PKP4: variants seen among roughly 807,000 people sequenced by gnomAD.
The protein encoded by PKP4 is plakophilin 4, also known as plakophilin-4.
A neutral mutation model predicts 145.1 loss-of-function variants in PKP4; 90 were observed. That is an observed-to-expected ratio of 0.62 (90% CI 0.52 to 0.74). The LOEUF (loss-of-function observed/expected upper bound fraction) is 0.74. Ranked by LOEUF, PKP4 falls within the 30% of genes least tolerant of loss-of-function variation. PKP4 has a pLI of 0.00. For synonymous variants in PKP4, 563 were observed against 577.2 expected (o/e 0.98, Z 0.35); for missense variants, 1,340 against 1,482.7 (o/e 0.90, Z 1.58).
chr2:158,528,476 G>T, intron 1 of PKP4, among the ~76,000 whole-genome samples: 1 of 100,044 alleles, frequency 1.0e-5, no homozygotes, highest in African/African-American at 3.7e-5. Context: ...ATCACACTCT[G>T]GGGACTGTGG....
At chr2:158,573,136 C>T (rs1029436410) in intron 2 of PKP4, among the ~76,000 whole-genome samples, 3 of 152,170 alleles carry the variant, frequency 2.0e-5, no homozygotes, top group Non-Finnish European at 4.4e-5. Flanking sequence ...CATATAAAGA[C>T]ATTATGTGAT....
chr2:158,652,300 A>G (rs2055439935), intron 11 of PKP4, among the ~76,000 whole-genome samples: 1 of 152,214 alleles, frequency 6.6e-6, no homozygotes, highest in Non-Finnish European at 1.5e-5. Context: ...GGGGCAGCAC[A>G]GGTCTATACT....
intron 11 of PKP4, among the ~76,000 whole-genome samples, chr2:158,646,345 A>G (rs962480571): frequency 5.3e-5 from 8 of 152,240 alleles, no homozygotes; most frequent in African/African-American, 1.7e-4. Flanking sequence ...TGCAATTGCC[A>G]TAAGTAAAGT....
chr2:158,656,555 A>G (rs1415580174), intron 11 of PKP4, among the ~76,000 whole-genome samples: 1 of 152,160 alleles, frequency 6.6e-6, no homozygotes, highest in Non-Finnish European at 1.5e-5. Context: ...ATAGGAGTAG[A>G]AAAGGGGTAA....
chr2:158,680,815 T>C lies in PKP4; in HGVS notation c.*138T>C. 1.3e-6 allele frequency: 1 copy of C among 797,848 alleles called. No individual in the cohort carries two copies. Among genetic ancestry groups the C allele is most frequent in the South Asian group, 1.9e-5 (1 of 52,434 alleles). 49.4% of individuals were successfully genotyped at this position (797,848 alleles called of 1,614,324 possible). On this transcript the variant is annotated 3_prime_UTR_variant, in exon 22 of 22. Coordinates refer to ENST00000389759, the MANE Select transcript of PKP4 (RefSeq NM_003628.6). ...AATGAAGTGTGTTTTTTTTTTCTTTTTTGAGGAATTATCAGGGAAGTGAGG... is the reference window on the plus strand; with the variant it reads ...AATGAAGTGTGTTTTTTTTTTCTTTCTTGAGGAATTATCAGGGAAGTGAGG...
At chr2:158,604,356 G>C (rs974228000) in intron 4 of PKP4, among the ~76,000 whole-genome samples, 12 of 152,194 alleles carry the variant, frequency 7.9e-5, no homozygotes, top group Admixed American at 7.9e-4. Context: ...ACAGAGATCT[G>C]TAAGTTCCAG....
chr2:158,576,392 G>C (rs2047852130), intron 2 of PKP4, among the ~76,000 whole-genome samples: 1 of 152,184 alleles, frequency 6.6e-6, no homozygotes, highest in African/African-American at 2.4e-5. Context: ...GAATAGACTT[G>C]TGAGGAGACA....
chr2:158,527,925 A>T (rs1424390930), intron 1 of PKP4, among the ~76,000 whole-genome samples: 3 of 29,426 alleles, frequency 1.0e-4, no homozygotes, highest in African/African-American at 2.9e-4. Flanking sequence ...TGCAAATCAA[A>T]ACCACTATGA....
At chr2:158,477,730 C>T (rs1259709037) in intron 1 of PKP4, among the ~76,000 whole-genome samples, 2 of 152,114 alleles carry the variant, frequency 1.3e-5, no homozygotes, top group African/African-American at 4.8e-5. Flanking sequence ...CTGTAATCAA[C>T]GCTACTTGGG....
chr2:158,641,525 T>C (rs1279846011), intron 10 of PKP4, among the ~76,000 whole-genome samples: 4 of 152,164 alleles, frequency 2.6e-5, no homozygotes, highest in Non-Finnish European at 5.9e-5. Context: ...CATAGCAAGT[T>C]ACTGGTTATT....
At chr2:158,468,537 T>C (rs1691014290) in intron 1 of PKP4, among the ~76,000 whole-genome samples, 1 of 152,138 alleles carries the variant, frequency 6.6e-6, no homozygotes, top group South Asian at 2.1e-4. Context: ...ATGTTGGCTC[T>C]TTCAGAATTT....
intron 1 of PKP4, among the ~76,000 whole-genome samples, chr2:158,497,184 G>A (rs1294172479): frequency 1.3e-5 from 2 of 152,158 alleles, no homozygotes; most frequent in Non-Finnish European, 2.9e-5. Context: ...CAGGTGTCAG[G>A]GAAGGGGAAC....
intron 3 of PKP4, among the ~76,000 whole-genome samples, chr2:158,598,064 A>G (rs1162656976): frequency 6.6e-6 from 1 of 152,086 alleles, no homozygotes; most frequent in East Asian, 1.9e-4. Context: ...GGGCTAAGCA[A>G]TCCTCCCACC....
chr2:158,643,729 GA>G (rs371078811), intron 11 of PKP4, among the ~76,000 whole-genome samples: 1 of 136,148 alleles, frequency 7.3e-6, no homozygotes, highest in Admixed American at 7.3e-5. Context: ...AAAAAAAAAA[GA>G]AAAGAAAACA....
At chr2:158,507,305 A>G (rs1355687457) in intron 1 of PKP4, among the ~76,000 whole-genome samples, 1 of 152,182 alleles carries the variant, frequency 6.6e-6, no homozygotes, top group Non-Finnish European at 1.5e-5. Context: ...AGGTATGAAG[A>G]TGAGTTTATG....
At chr2:158,643,712 C>CAAAAAAAA (rs762303684) in intron 11 of PKP4, among the ~76,000 whole-genome samples, 2 of 69,768 alleles carry the variant, frequency 2.9e-5, no homozygotes, top group Non-Finnish European at 5.5e-5. Context: ...GGCCCTGTTT[C>CAAAAAAAA]AAAAAAAAAA....
chr2:158,522,331 C>T (rs2042449832), intron 1 of PKP4, among the ~76,000 whole-genome samples: 2 of 152,278 alleles, frequency 1.3e-5, no homozygotes, highest in Admixed American at 6.5e-5. Flanking sequence ...CTATATATTA[C>T]ATCTATAATA....
chr2:158,497,364 T>G (rs1695897353), intron 1 of PKP4, among the ~76,000 whole-genome samples: 1 of 152,238 alleles, frequency 6.6e-6, no homozygotes, highest in South Asian at 2.1e-4. Flanking sequence ...TTGCCTGGTT[T>G]TTATCTTCAA....
intron 2 of PKP4, among the ~76,000 whole-genome samples, chr2:158,551,357 G>A (rs2045603990): frequency 6.6e-6 from 1 of 152,206 alleles, no homozygotes; most frequent in African/African-American, 2.4e-5. Context: ...GACAGTGCAA[G>A]TGGGGGTGCC....
Sources: allele counts gnomAD v4.1 joint callset (sites outside exome capture counted in the v4.1 genomes callset), GRCh38; gene constraint gnomAD v4.1.1; transcripts MANE v1.5; gene names NCBI Gene and HGNC (gene_info 2026-07-23, HGNC 2026-07-21).